POLA1: variants seen among roughly 807,000 people sequenced by gnomAD.
The protein encoded by POLA1 is DNA polymerase alpha 1, catalytic subunit.
Under a neutral mutation model 124.0 loss-of-function variants are expected in POLA1, and 15 were observed. The observed-to-expected ratio is 0.12, with a 90% confidence interval of 0.08 to 0.19. The LOEUF is 0.19. Among genes scored for constraint, POLA1 ranks in the 10% least tolerant of loss-of-function variants. The probability of loss-of-function intolerance (pLI) is 1.00; values close to 1 mark genes in which losing one functional copy is unlikely to be tolerated. For synonymous variants in POLA1, 408 were observed against 389.4 expected (o/e 1.05, Z -0.56); for missense variants, 886 against 1,103.4 (o/e 0.80, Z 2.79).
chrX:24,784,806 C>T (rs1034745236), intron 26 of POLA1, among the ~76,000 whole-genome samples: 4 of 112,379 alleles, frequency 3.6e-5, no homozygotes, highest in African/African-American at 1.3e-4. Context: ...ATAATAAAAA[C>T]GTCCCAGCTT....
chrX:24,709,693 G>T, intron 4 of POLA1, among the ~76,000 whole-genome samples: 1 of 79,266 alleles, frequency 1.3e-5, no homozygotes, highest in South Asian at 7.4e-4. Flanking sequence ...GGGCAGAGAC[G>T]CTCCTCACCT....
chrX:24,930,403 G>T, intron 35 of POLA1, 50 bp from the exon 36 acceptor site: 1 of 807,850 alleles, frequency 1.2e-6, no homozygotes, highest in Non-Finnish European at 1.9e-6. Context: ...GATCCCCATC[G>T]CTTCCCCCTC....
At chrX:24,805,281 A>G (rs756818697) in intron 26 of POLA1, among the ~76,000 whole-genome samples, 2 of 111,459 alleles carry the variant, frequency 1.8e-5, no homozygotes, top group Admixed American at 9.6e-5. Context: ...CCCATTAAAG[A>G]TGTATTGCTG....
intron 20 of POLA1, 126 bp from the exon 21 acceptor site, chrX:24,741,249 G>T: frequency 2.2e-6 from 1 of 452,613 alleles, no homozygotes; most frequent in East Asian, 3.7e-5. Flanking sequence ...TGTTTCTGAA[G>T]CCAAGGTGCT....
At chrX:24,741,126 TGTGTGTGTGTGTGTGTGTGTGCGCGC>T (rs1268793112) in intron 20 of POLA1, among the ~76,000 whole-genome samples, 1 of 78,548 alleles carries the variant, frequency 1.3e-5, no homozygotes, top group Non-Finnish European at 2.9e-5. Context: ...TGTGTGTGTG[TGTGTGTGTGTGTGTGTGTGTGCGCGC>T]GTGTGTGTGT....
chrX:24,759,687 A>T (rs1932766169), intron 26 of POLA1, among the ~76,000 whole-genome samples: 2 of 112,348 alleles, frequency 1.8e-5, no homozygotes, highest in Admixed American at 1.9e-4. Context: ...CTTTTTAATT[A>T]CTGAAACCAT....
chrX:24,888,946 T>C (rs1033432141), intron 35 of POLA1, among the ~76,000 whole-genome samples: 3 of 109,614 alleles, frequency 2.7e-5, no homozygotes, highest in African/African-American at 1.0e-4. Context: ...CTCGGCTCAC[T>C]GCAATCTCCG....
intron 26 of POLA1, among the ~76,000 whole-genome samples, chrX:24,793,994 GTCTC>G (rs752006928): frequency 4.6e-5 from 5 of 108,007 alleles, no homozygotes; most frequent in Admixed American, 9.9e-5. Context: ...TTGAGACTGA[GTCTC>G]TCTCTCTCTC....
chrX:24,725,577 A>C (rs772006799), intron 12 of POLA1, among the ~76,000 whole-genome samples: 27 of 111,824 alleles, frequency 2.4e-4, no homozygotes, highest in Non-Finnish European at 4.5e-4. Flanking sequence ...TAAATCCATT[A>C]ATTCATATTA....
chrX:24,895,145 A>G (rs962688546), intron 35 of POLA1, among the ~76,000 whole-genome samples: 5 of 112,073 alleles, frequency 4.5e-5, no homozygotes, highest in Admixed American at 1.9e-4. Context: ...CTTTTTAGGA[A>G]CACAATTCAA....
rs775606583 is a variant in POLA1 at position 24,821,479 on chromosome X, C to G, written c.3457C>G (p.Pro1153Ala). 9.1e-6 allele frequency: 11 copies of G among 1,204,469 alleles called. No individual in the cohort carries two copies. The highest frequency in any genetic ancestry group is 1.2e-5 in the Non-Finnish European group (11 of 890,371). ...KALTKDPQDY[P>A]DKKSLPHVHV... ...ATTGACAAAGGATCCCCAGGATTACCCTGATAAAAAAAGCCTACCTCATGT... is the reference window on the plus strand; with the variant it reads ...ATTGACAAAGGATCCCCAGGATTACGCTGATAAAAAAAGCCTACCTCATGT... Residue 1153 changes from proline (P) to alanine (A), a missense_variant, in exon 31 of 37, where the codon CCT becomes GCT. Pro to Ala is a conservative substitution (Grantham distance 27, BLOSUM62 -1). Coordinates refer to ENST00000379068, the MANE Select transcript of POLA1 (RefSeq NM_001330360.2).
At chrX:24,756,892 A>G (rs1932635050) in intron 26 of POLA1, among the ~76,000 whole-genome samples, 1 of 111,538 alleles carries the variant, frequency 9.0e-6, no homozygotes, top group Non-Finnish European at 1.9e-5. Context: ...TTGCCAAACC[A>G]GACCCATTTA....
chrX:24,974,638 C>T (rs760504787), intron 36 of POLA1, among the ~76,000 whole-genome samples: 1 of 101,120 alleles, frequency 9.9e-6, no homozygotes, highest in Non-Finnish European at 2.0e-5. Context: ...GAACATCACA[C>T]ACCGGGGCAT....
chrX:24,754,497 G>A (rs1010783678), intron 26 of POLA1, among the ~76,000 whole-genome samples: 3 of 110,712 alleles, frequency 2.7e-5, no homozygotes, highest in Non-Finnish European at 5.7e-5. Flanking sequence ...CAGGTGATCC[G>A]CCCACTTCGG....
intron 34 of POLA1, among the ~76,000 whole-genome samples, chrX:24,880,476 G>A (rs1350636278): frequency 9.0e-6 from 1 of 111,615 alleles, no homozygotes; most frequent in Non-Finnish European, 1.9e-5. Flanking sequence ...TCCTACCCTA[G>A]TACCTTTCTG....
chrX:24,790,439 T>G (rs908342151), intron 26 of POLA1, among the ~76,000 whole-genome samples: 1 of 111,744 alleles, frequency 8.9e-6, no homozygotes, highest in African/African-American at 3.3e-5. Context: ...CAGATAAGCA[T>G]GCTTTGAGAC....
chrX:24,732,446 A>C lies in POLA1; in HGVS notation c.1763A>C (p.His588Pro). Residue 588 changes from histidine (H) to proline (P), a missense_variant, in exon 16 of 37, where the codon CAC (histidine) becomes CCC (proline). By Grantham distance (77) the His-to-Pro change is moderately conservative. This residue lies in a region of POLA1 where 337 missense variants were observed against 402.8 expected (regional missense o/e 0.84). Transcript: ENST00000379068. ...GCCCCAAAGCCTCCCTTTCAGTCAC[A>C]CTTCTGTGGTATGTATTTTTTTTTA... ...KAAPKPPFQSHFCVVSKPKDC... is the reference protein window; with the variant it reads ...KAAPKPPFQSPFCVVSKPKDC... 8.7e-7 allele frequency: 1 copy of C among 1,153,083 alleles called. No individual in the cohort carries two copies. The highest frequency in any genetic ancestry group is 1.2e-6 in the Non-Finnish European group (1 of 843,524).
At chrX:24,849,090 T>C (rs765945681) in intron 34 of POLA1, among the ~76,000 whole-genome samples, 21 of 113,341 alleles carry the variant, frequency 1.9e-4, no homozygotes, top group African/African-American at 6.7e-4. Flanking sequence ...TAAGCACTTT[T>C]GGAATTATTG....
At position 24,918,870 on chromosome X, in the gene POLA1, G is replaced by C. The variant is rs1390250842; in HGVS notation, c.4165-11583G>C. Among the ~76,000 whole-genome samples, 3 of 110,825 alleles carry C rather than the reference G, an allele frequency of 2.7e-5. No homozygotes were observed. The East Asian group carries it at 8.6e-4, about 32-fold the overall frequency. ...GGTGTGAGGCTCTTTTTAACAACCA[G>C]CTCTAAAGGGAATTAATAGAGTAAG... On this transcript the variant is annotated intron_variant, in intron 35 of 36. Coordinates refer to ENST00000379068, the MANE Select transcript of POLA1 (RefSeq NM_001330360.2).
Sources: allele counts gnomAD v4.1 joint callset (sites outside exome capture counted in the v4.1 genomes callset), GRCh38; gene constraint gnomAD v4.1.1; regional missense constraint gnomAD v4.1.1; transcripts MANE v1.5; gene names NCBI Gene and HGNC (gene_info 2026-07-23, HGNC 2026-07-21).